ZBTB7C: variants seen among roughly 807,000 people sequenced by gnomAD.
The protein encoded by ZBTB7C is zinc finger and BTB domain containing 7C, also known as zinc finger and BTB domain-containing protein 7C.
Under a neutral mutation model 25.7 loss-of-function variants are expected in ZBTB7C, and 8 were observed. The ratio of observed to expected loss-of-function variants is 0.31; its 90% confidence interval spans 0.18 to 0.56. The LOEUF (loss-of-function observed/expected upper bound fraction) is 0.56. ZBTB7C is among the 20% of genes least tolerant of loss of function. The pLI is 0.91. For synonymous variants in ZBTB7C, 394 were observed against 369.0 expected (o/e 1.07, Z -0.78); for missense variants, 824 against 855.2 (o/e 0.96, Z 0.46).
chr18:48,103,104 A>AT (rs1469634555), intron 3 of ZBTB7C, among the ~76,000 whole-genome samples: 6 of 106,062 alleles, frequency 5.7e-5, no homozygotes, highest in African/African-American at 1.0e-4. Context: ...TATATTATAT[A>AT]TTTTATATTA....
chr18:48,044,667 A>C (rs2036397222), intron 3 of ZBTB7C, among the ~76,000 whole-genome samples: 1 of 152,100 alleles, frequency 6.6e-6, no homozygotes, highest in African/African-American at 2.4e-5. Flanking sequence ...TACCTGTCCC[A>C]CCTCCTTGGC....
At chr18:48,265,423 C>G (rs1445596119) in intron 2 of ZBTB7C, among the ~76,000 whole-genome samples, 1 of 152,184 alleles carries the variant, frequency 6.6e-6, no homozygotes, top group Non-Finnish European at 1.5e-5. Context: ...GAGTTCAAGT[C>G]TTGGTTCATC....
At chr18:48,084,758 AG>A (rs1349431749) in intron 3 of ZBTB7C, among the ~76,000 whole-genome samples, 1 of 152,192 alleles carries the variant, frequency 6.6e-6, no homozygotes, top group Non-Finnish European at 1.5e-5. Context: ...CATGCACCTC[AG>A]GACCTAGTAA....
chr18:48,118,833 C>T (rs1379090943), intron 3 of ZBTB7C, among the ~76,000 whole-genome samples: 2 of 152,128 alleles, frequency 1.3e-5, no homozygotes, highest in Admixed American at 6.5e-5. Flanking sequence ...TGCAAGGTTG[C>T]GAAGCTACAT....
At chr18:48,162,927 T>C (rs920931065) in intron 3 of ZBTB7C, among the ~76,000 whole-genome samples, 25 of 151,944 alleles carry the variant, frequency 1.6e-4, no homozygotes, top group African/African-American at 6.0e-4. Flanking sequence ...TGAACGTTCA[T>C]GCTCAGCATG....
At chr18:48,230,480 C>T (rs910894099) in intron 2 of ZBTB7C, among the ~76,000 whole-genome samples, 3 of 152,226 alleles carry the variant, frequency 2.0e-5, no homozygotes, top group African/African-American at 7.2e-5. Flanking sequence ...AAAATGATGC[C>T]TATGGGATCT....
At chr18:48,230,993 C>T (rs1172106370) in intron 2 of ZBTB7C, among the ~76,000 whole-genome samples, 2 of 152,202 alleles carry the variant, frequency 1.3e-5, no homozygotes, top group Non-Finnish European at 2.9e-5. Flanking sequence ...ACCCCTGCTG[C>T]CTCGGCCCCC....
chr18:48,038,134 G>T (rs1298838263), intron 4 of ZBTB7C, among the ~76,000 whole-genome samples: 1 of 152,146 alleles, frequency 6.6e-6, no homozygotes, highest in Non-Finnish European at 1.5e-5. Flanking sequence ...TCCAAGGGGA[G>T]GTGAATCTCA....
At chr18:48,093,302 CCCCTG>C (rs2038489986) in intron 3 of ZBTB7C, among the ~76,000 whole-genome samples, 1 of 152,206 alleles carries the variant, frequency 6.6e-6, no homozygotes, top group Non-Finnish European at 1.5e-5. Flanking sequence ...TCTAGCCCTC[CCCCTG>C]GCCAAGCCTA....
At chr18:48,306,033 C>T (rs1290032934) in intron 2 of ZBTB7C, among the ~76,000 whole-genome samples, 4 of 152,246 alleles carry the variant, frequency 2.6e-5, no homozygotes, top group Non-Finnish European at 5.9e-5. Context: ...TTGCAACCGC[C>T]AAGGTTTTCA....
intron 3 of ZBTB7C, among the ~76,000 whole-genome samples, chr18:48,060,598 G>A (rs1020697939): frequency 1.3e-5 from 2 of 151,928 alleles, no homozygotes; most frequent in East Asian, 1.9e-4. Context: ...CTAAAATGCC[G>A]TCCCCTCCCA....
intron 3 of ZBTB7C, among the ~76,000 whole-genome samples, chr18:48,155,503 A>AT (rs796221679): frequency 0.028 from 3,774 of 133,912 alleles, 134 homozygotes; most frequent in African/African-American, 0.092. Context: ...AATTTTTTGT[A>AT]TTTTTTTTTT....
chr18:48,203,819 G>C (rs2042513674), intron 2 of ZBTB7C, among the ~76,000 whole-genome samples: 1 of 152,202 alleles, frequency 6.6e-6, no homozygotes, highest in South Asian at 2.1e-4. Context: ...CAAGGGAGTT[G>C]CTTGAGAAGT....
chr18:48,181,165 T>A lies in ZBTB7C; in HGVS notation c.-17+4769A>T, dbSNP rs1241905819. On this transcript the variant is annotated intron_variant, in intron 3 of 4. Coordinates refer to ENST00000590800, the MANE Select transcript of ZBTB7C (RefSeq NM_001318841.2). ...TCCTGGAGTCACCCCTTTATCTTCA[T>A]AGAAGAGGGAACTGAGGCCAAACCA... Among the ~76,000 whole-genome samples, 5 of 152,284 alleles carry A rather than the reference T, an allele frequency of 3.3e-5. No homozygotes were observed. The South Asian group carries it at 1.0e-3, about 32-fold the overall frequency.
chr18:48,282,722 C>T (rs1425617859), intron 2 of ZBTB7C, among the ~76,000 whole-genome samples: 2 of 152,096 alleles, frequency 1.3e-5, no homozygotes, highest in Non-Finnish European at 2.9e-5. Flanking sequence ...ATTCCCCAAC[C>T]TAAAGTTGAG....
intron 1 of ZBTB7C, among the ~76,000 whole-genome samples, chr18:48,394,128 G>C (rs139055223): frequency 7.2e-5 from 11 of 152,318 alleles, no homozygotes; most frequent in Admixed American, 3.9e-4. Flanking sequence ...TAGACTTCAA[G>C]TTGGCATTCT....
intron 2 of ZBTB7C, among the ~76,000 whole-genome samples, chr18:48,236,914 GA>G (rs1178151991): frequency 6.6e-6 from 1 of 152,130 alleles, no homozygotes. Context: ...TAGAAAGACT[GA>G]AAAACCAAAC....
intron 3 of ZBTB7C, among the ~76,000 whole-genome samples, chr18:48,107,211 T>G (rs1598889937): frequency 7.0e-6 from 1 of 142,966 alleles, no homozygotes; most frequent in Non-Finnish European, 1.5e-5. Flanking sequence ...GGAGGAGGAT[T>G]GAGAAGGAGG....
chr18:48,258,234 G>A (rs1176332141), intron 2 of ZBTB7C, among the ~76,000 whole-genome samples: 1 of 152,180 alleles, frequency 6.6e-6, no homozygotes, highest in Non-Finnish European at 1.5e-5. Flanking sequence ...TCTAGCCAGT[G>A]CAATCAGAAA....
Sources: gnomAD v4.1 joint callset for allele counts (sites outside exome capture counted in the v4.1 genomes callset) on GRCh38, gnomAD v4.1.1 for gene constraint, MANE v1.5 for transcripts, NCBI Gene and HGNC (gene_info 2026-07-23, HGNC 2026-07-21) for gene names.